The following NRXN1 variants were observed in gnomAD, a reference collection of about 807,000 sequenced individuals.
The protein encoded by NRXN1 is neurexin-1.
A neutral mutation model predicts 150.9 loss-of-function variants in NRXN1; 39 were observed. That is an observed-to-expected ratio of 0.26 (90% CI 0.20 to 0.34). NRXN1 has a LOEUF of 0.34. Among genes scored for constraint, NRXN1 ranks in the 10% least tolerant of loss-of-function variants. The pLI is 1.00. For synonymous variants in NRXN1, 924 were observed against 757.0 expected, an observed-to-expected ratio of 1.22 and a Z score of -3.62; for missense variants, 1,815 against 1,949.9, an observed-to-expected ratio of 0.93 and a Z score of 1.30.
intron 21 of NRXN1, among the ~76,000 whole-genome samples, chr2:49,999,543 T>C (rs965786617): frequency 6.6e-6 from 1 of 152,166 alleles, no homozygotes; most frequent in Non-Finnish European, 1.5e-5. Flanking sequence ...TAAGGTTCTT[T>C]CCGTATAATT....
At chr2:50,928,923 C>T (rs7576070) in intron 2 of NRXN1, among the ~76,000 whole-genome samples, 11,262 of 152,028 alleles carry the variant, frequency 0.074, 466 homozygotes, top group South Asian at 0.12. Flanking sequence ...CACACTCTTG[C>T]TTTCTTTTCA....
intron 18 of NRXN1, among the ~76,000 whole-genome samples, chr2:50,098,830 GTTTTTTTTT>G (rs746736925): frequency 1.0e-4 from 11 of 105,562 alleles, no homozygotes; most frequent in African/African-American, 3.8e-4. Context: ...TTTGGTTTTA[GTTTTTTTTT>G]TTTTTTTTTT....
chr2:50,103,630 A>C (rs1039633163), intron 18 of NRXN1, among the ~76,000 whole-genome samples: 1 of 152,186 alleles, frequency 6.6e-6, no homozygotes, highest in African/African-American at 2.4e-5. Context: ...TCGTGAAGCC[A>C]AAAACACGCG....
chr2:50,963,386 T>G (rs1250346872), intron 2 of NRXN1, among the ~76,000 whole-genome samples: 1 of 151,666 alleles, frequency 6.6e-6, no homozygotes, highest in African/African-American at 2.4e-5. Flanking sequence ...TTTCATTCCC[T>G]GAAAACATTC....
chr2:50,702,875 T>C (rs1244444427), intron 5 of NRXN1, among the ~76,000 whole-genome samples: 6 of 152,226 alleles, frequency 3.9e-5, no homozygotes, highest in East Asian at 1.9e-4. Context: ...AAGTTTTTTT[T>C]CCCCCAGGAT....
rs928083977 is a variant in NRXN1 at position 50,057,585 on chromosome 2, T to C, written c.3719-2541A>G. ...CCCTCCATGAGGCCAAGTACTATGC[T>C]ACTATGTGCAGTATTTATTATTTCT... is the stretch of plus-strand genomic sequence containing the variant. On this transcript the variant is annotated intron_variant, in intron 19 of 22. Coordinates refer to ENST00000401669, the MANE Select transcript of NRXN1 (RefSeq NM_001330078.2). 2.6e-5 allele frequency among the ~76,000 whole-genome samples: 4 copies of C among 152,322 alleles called. No homozygotes were observed. In the South Asian group the frequency reaches 6.2e-4, roughly 24 times the overall value.
chr2:49,980,810 G>A (rs1037329079), intron 21 of NRXN1, among the ~76,000 whole-genome samples: 10 of 151,908 alleles, frequency 6.6e-5, no homozygotes, highest in Admixed American at 2.0e-4. Flanking sequence ...TTTTCAGAGG[G>A]GTTTTCATAT....
chr2:50,916,284 A>G (rs1384968460), intron 5 of NRXN1, among the ~76,000 whole-genome samples: 5 of 151,130 alleles, frequency 3.3e-5, no homozygotes, highest in Non-Finnish European at 7.4e-5. Context: ...AAAGAGGGAC[A>G]ATATTATATT....
At chr2:49,954,440 T>A (rs138883811) in intron 21 of NRXN1, among the ~76,000 whole-genome samples, 254 of 152,254 alleles carry the variant, frequency 1.7e-3, no homozygotes, top group African/African-American at 5.8e-3. Context: ...ACTCATTAGA[T>A]TGTGAGAACC....
chr2:49,987,175 C>T lies in NRXN1; in HGVS notation c.4129-43384G>A, dbSNP rs184239224. 3.4e-3 allele frequency among the ~76,000 whole-genome samples: 525 copies of T among 152,254 alleles called. 3 individuals carry two copies. Among genetic ancestry groups the T allele is most frequent in the Admixed American group, 6.1e-3 (94 of 15,290 alleles). On this transcript the variant is annotated intron_variant, in intron 21 of 22. Coordinates refer to ENST00000401669, the MANE Select transcript of NRXN1 (RefSeq NM_001330078.2). Reference sequence around the variant, plus strand: ...GTTAGCCAACTTCTCCCTATTCTTACTTCCCCCTTTACCTTTCCCAGCCTA... The same window carrying T: ...GTTAGCCAACTTCTCCCTATTCTTATTTCCCCCTTTACCTTTCCCAGCCTA...
Position 50,945,829 on chromosome 2 carries a change from T to C in NRXN1, c.773-19874A>G, listed in dbSNP as rs539994362. ...ACAGACTGAATTTACCACGACTTTATCGTAAGAAACAAGTGACTCCAAAAT... is the reference window on the plus strand; with the variant it reads ...ACAGACTGAATTTACCACGACTTTACCGTAAGAAACAAGTGACTCCAAAAT... On this transcript the variant is annotated intron_variant, in intron 2 of 22. Transcript: ENST00000401669. Among the ~76,000 whole-genome samples the C allele has an allele frequency of 6.7e-3, 1,000 of 150,344 alleles. 13 individuals carry two copies. The highest frequency in any genetic ancestry group is 0.023 in the African/African-American group (954 of 41,010).
At chr2:50,114,933 G>T (rs1348378220) in intron 18 of NRXN1, among the ~76,000 whole-genome samples, 1 of 151,764 alleles carries the variant, frequency 6.6e-6, no homozygotes, top group Non-Finnish European at 1.5e-5. Flanking sequence ...TATTATAATG[G>T]TTAGTACTAG....
intron 5 of NRXN1, among the ~76,000 whole-genome samples, chr2:50,703,317 G>T (rs957701803): frequency 6.6e-6 from 1 of 152,028 alleles, no homozygotes; most frequent in African/African-American, 2.4e-5. Flanking sequence ...ACAGATCCAG[G>T]TAACTCTTTT....
intron 21 of NRXN1, chr2:49,974,191 A>G (rs781466152): frequency 4.0e-5 from 28 of 705,584 alleles, no homozygotes; most frequent in African/African-American, 3.2e-4. Flanking sequence ...TGGGCGAGAA[A>G]AGACACAGAA....
chr2:50,025,253 A>G (rs939444758), intron 21 of NRXN1, among the ~76,000 whole-genome samples: 2 of 152,226 alleles, frequency 1.3e-5, no homozygotes, highest in East Asian at 1.9e-4. Flanking sequence ...CCTACAATAC[A>G]TATATACAAC....
chr2:50,121,320 G>A (rs778346928), intron 18 of NRXN1, among the ~76,000 whole-genome samples: 3 of 152,064 alleles, frequency 2.0e-5, no homozygotes, highest in Non-Finnish European at 2.9e-5. Flanking sequence ...TGCCCACTGC[G>A]CCCAGCCTTA....
At chr2:50,149,292 A>G (rs2058558330) in intron 18 of NRXN1, among the ~76,000 whole-genome samples, 1 of 151,752 alleles carries the variant, frequency 6.6e-6, no homozygotes, top group South Asian at 2.1e-4. Flanking sequence ...CTAAGCAAAA[A>G]AGACAAAGGG....
At chr2:50,870,650 T>C (rs1408740219) in intron 5 of NRXN1, among the ~76,000 whole-genome samples, 1 of 151,964 alleles carries the variant, frequency 6.6e-6, no homozygotes, top group Non-Finnish European at 1.5e-5. Context: ...TGCCCTATTA[T>C]CTTCTTCCTT....
Position 50,050,615 on chromosome 2 carries a change from G to T in NRXN1, c.4128+2656C>A, listed in dbSNP as rs1241153991. ...TGCTTCATCCAACCTGTAAAAATAGGTCAAAGTTTACAGTTTCGAAATTAA... is the reference window on the plus strand; with the variant it reads ...TGCTTCATCCAACCTGTAAAAATAGTTCAAAGTTTACAGTTTCGAAATTAA... On this transcript the variant is annotated intron_variant, in intron 21 of 22. Coordinates refer to ENST00000401669, the MANE Select transcript of NRXN1 (RefSeq NM_001330078.2). 2.0e-5 allele frequency among the ~76,000 whole-genome samples: 3 copies of T among 152,024 alleles called. No individual in the cohort carries two copies. The East Asian group carries it at 5.8e-4, about 29-fold the overall frequency.
Sources: allele counts gnomAD v4.1 joint callset (sites outside exome capture counted in the v4.1 genomes callset), GRCh38; gene constraint gnomAD v4.1.1; transcripts MANE v1.5; gene names NCBI Gene and HGNC (gene_info 2026-07-23, HGNC 2026-07-21).